Variants in CA8 observed in about 807,000 individuals in gnomAD.
The protein encoded by CA8 is carbonic anhydrase 8 (inactive).
A neutral mutation model predicts 41.4 loss-of-function variants in CA8; 22 were observed. The ratio of observed to expected loss-of-function variants is 0.53; its 90% CI spans 0.38 to 0.76. CA8 has a LOEUF of 0.76. Among genes scored for constraint, CA8 ranks in the 30% least tolerant of loss-of-function variants. The probability of loss-of-function intolerance (pLI) is 0.00; values close to 1 mark genes in which losing one functional copy is unlikely to be tolerated. For missense variants in CA8, 270 were observed against 352.8 expected, an observed-to-expected ratio of 0.77 and a Z score of 1.88; for synonymous variants, 121 against 130.6, an observed-to-expected ratio of 0.93 and a Z score of 0.50.
chr8:60,266,739 G>A (rs1803913086), intron 2 of CA8, among the ~76,000 whole-genome samples: 1 of 152,104 alleles, frequency 6.6e-6, no homozygotes, highest in African/African-American at 2.4e-5. Context: ...CACACTAAAG[G>A]ATAATGAAAA....
At chr8:60,276,514 TTAAG>T (rs1247277075) in intron 2 of CA8, among the ~76,000 whole-genome samples, 10 of 152,296 alleles carry the variant, frequency 6.6e-5, no homozygotes, top group African/African-American at 2.4e-4. Flanking sequence ...AAAACACTGT[TTAAG>T]TGAGACAAAA....
chr8:60,233,086 C>T (rs1015431130), intron 3 of CA8, among the ~76,000 whole-genome samples: 1 of 152,188 alleles, frequency 6.6e-6, no homozygotes, highest in South Asian at 2.1e-4. Flanking sequence ...ACTGATAAAA[C>T]ACTTGCAAGA....
intron 2 of CA8, 129 bp from the exon 3 acceptor site, chr8:60,266,178 A>C: frequency 1.2e-6 from 1 of 831,264 alleles, no homozygotes; most frequent in Non-Finnish European, 1.8e-6. Context: ...CAAAGCCAAA[A>C]TGAGAAATTT....
At chr8:60,207,275 C>G (rs1806622472) in intron 8 of CA8, among the ~76,000 whole-genome samples, 1 of 152,240 alleles carries the variant, frequency 6.6e-6, no homozygotes, top group Non-Finnish European at 1.5e-5. Context: ...AAGCCTCCCA[C>G]AAGATTTTAT....
Position 60,216,741 on chromosome 8 carries a change from C to T in CA8, c.738+5908G>A, listed in dbSNP as rs545902374. On this transcript the variant is annotated intron_variant, in intron 7 of 8. Transcript: ENST00000317995. ...AATATTGTATCATATCTACAGGATC[C>T]GTTAACATTCTCAATATAGTTCAGC... Among the ~76,000 whole-genome samples, 10 of 152,252 alleles carry T rather than the reference C, an allele frequency of 6.6e-5. No individual in the cohort carries two copies. In the South Asian group the frequency reaches 1.7e-3, roughly 25 times the overall value.
intron 3 of CA8, among the ~76,000 whole-genome samples, chr8:60,257,403 G>A (rs767428908): frequency 4.9e-4 from 75 of 152,268 alleles, no homozygotes; most frequent in African/African-American, 1.7e-3. Flanking sequence ...TTTACTCTTC[G>A]CTGACCTCTG....
rs187722285 is a variant in CA8, at chr8:60,189,230, T to C, written c.*791A>G. The C allele has an allele frequency of 6.6e-6, 1 of 152,274 alleles. No individual in the cohort carries two copies. Among genetic ancestry groups the C allele is most frequent in the Non-Finnish European group, 1.5e-5 (1 of 68,006 alleles). The allele number at this position is 152,274 out of a possible 1,614,324, so 9.4% of individuals were successfully genotyped here. ...GTAATATAGGATACCACTAAATTTA[T>C]ATTTCTATGTATGGAAAGTAAAGCT... On this transcript the variant is annotated 3_prime_UTR_variant, in exon 9 of 9. Coordinates refer to ENST00000317995, the MANE Select transcript of CA8 (RefSeq NM_004056.6).
At chr8:60,251,019 A>G (rs1808424291) in intron 3 of CA8, among the ~76,000 whole-genome samples, 1 of 152,196 alleles carries the variant, frequency 6.6e-6, no homozygotes, top group South Asian at 2.1e-4. Context: ...CTATATATAT[A>G]TTTATATGCC....
intron 8 of CA8, among the ~76,000 whole-genome samples, chr8:60,201,511 C>T (rs1806427586): frequency 6.6e-6 from 1 of 151,954 alleles, no homozygotes; most frequent in South Asian, 2.1e-4. Flanking sequence ...AAGAACGTGG[C>T]AAGAAGGCAG....
chr8:60,231,143 A>G (rs986940997), intron 4 of CA8, among the ~76,000 whole-genome samples: 1 of 152,178 alleles, frequency 6.6e-6, no homozygotes, highest in Admixed American at 6.5e-5. Flanking sequence ...ATCAAAATAT[A>G]TTTGTATAAT....
intron 3 of CA8, among the ~76,000 whole-genome samples, chr8:60,234,908 A>C (rs1807779713): frequency 6.6e-6 from 1 of 152,124 alleles, no homozygotes; most frequent in South Asian, 2.1e-4. Flanking sequence ...CCCCCTTTCT[A>C]CACCAGTAGA....
intron 2 of CA8, 148 bp downstream of exon 2, chr8:60,279,540 CA>C: frequency 1.5e-6 from 1 of 689,538 alleles, no homozygotes. Flanking sequence ...AGGTAATTCC[CA>C]AAAATGCTTT....
At chr8:60,260,841 G>T (rs1330567588) in intron 3 of CA8, among the ~76,000 whole-genome samples, 5 of 152,110 alleles carry the variant, frequency 3.3e-5, no homozygotes, top group Non-Finnish European at 7.4e-5. Flanking sequence ...TTTAGAAGAG[G>T]TTCAACAAAC....
At chr8:60,239,790 T>C (rs1398107261) in intron 3 of CA8, among the ~76,000 whole-genome samples, 1 of 152,196 alleles carries the variant, frequency 6.6e-6, no homozygotes, top group Non-Finnish European at 1.5e-5. Context: ...GTCCTCGTGG[T>C]AGTGAATAAA....
chr8:60,215,967 C>G (rs542826001), intron 7 of CA8, among the ~76,000 whole-genome samples: 1 of 152,198 alleles, frequency 6.6e-6, no homozygotes, highest in Non-Finnish European at 1.5e-5. Flanking sequence ...TAATTACATA[C>G]ATAAACCTTA....
intron 8 of CA8, among the ~76,000 whole-genome samples, chr8:60,206,481 A>G (rs1293323378): frequency 6.6e-6 from 1 of 152,194 alleles, no homozygotes; most frequent in East Asian, 1.9e-4. Flanking sequence ...CATTAAAAGT[A>G]TCATTTACAG....
intron 7 of CA8, among the ~76,000 whole-genome samples, chr8:60,217,906 C>A (rs1256212450): frequency 1.3e-5 from 2 of 152,182 alleles, no homozygotes; most frequent in East Asian, 3.9e-4. Flanking sequence ...AGCTACAGAG[C>A]ATGTTTCTTG....
At chr8:60,239,819 T>C (rs1015737795) in intron 3 of CA8, among the ~76,000 whole-genome samples, 33 of 152,350 alleles carry the variant, frequency 2.2e-4, no homozygotes, top group African/African-American at 7.7e-4. Context: ...GATCTGATGA[T>C]TTCAAAAGGG....
chr8:60,263,069 G>T (rs188889479), intron 3 of CA8, among the ~76,000 whole-genome samples: 1 of 152,152 alleles, frequency 6.6e-6, no homozygotes, highest in Admixed American at 6.5e-5. Context: ...GGCCAGGCAC[G>T]GTGGCTCACG....
Sources: gnomAD v4.1 joint callset for allele counts (sites outside exome capture counted in the v4.1 genomes callset) on GRCh38, gnomAD v4.1.1 for gene constraint, MANE v1.5 for transcripts, NCBI Gene and HGNC (gene_info 2026-07-23, HGNC 2026-07-21) for gene names.